PFKFB3: variants seen among roughly 807,000 people sequenced by gnomAD.
The protein encoded by PFKFB3 is 6-phosphofructo-2-kinase/fructose-2,6-bisphosphatase 3.
A neutral mutation model predicts 68.0 loss-of-function variants in PFKFB3; 33 were observed. The ratio of observed to expected loss-of-function variants is 0.49; its 90% confidence interval spans 0.37 to 0.65. The LOEUF (loss-of-function observed/expected upper bound fraction) is 0.65. Ranked by LOEUF, PFKFB3 falls within the 30% of genes least tolerant of loss-of-function variation. The pLI is 0.00. For synonymous variants in PFKFB3, 315 were observed against 288.2 expected, an observed-to-expected ratio of 1.09 and a Z score of -0.94; for missense variants, 586 against 712.2, an observed-to-expected ratio of 0.82 and a Z score of 2.02.
At chr10:6,177,631 T>C (rs913521046) in intron 1 of PFKFB3, among the ~76,000 whole-genome samples, 5 of 151,330 alleles carry the variant, frequency 3.3e-5, no homozygotes, top group African/African-American at 1.2e-4. Context: ...GTTCAAGCAA[T>C]TCTCCTGCCT....
At chr10:6,302,793 C>CAT in the PFKFB3 span, among the ~76,000 whole-genome samples, 56,656 of 144,868 alleles carry the variant, frequency 0.39, 11,956 homozygotes, top group Non-Finnish European at 0.51. Flanking sequence ...TACACATACA[C>CAT]ATATATATAT....
intron 1 of PFKFB3, among the ~76,000 whole-genome samples, chr10:6,156,869 A>T (rs1325542046): frequency 1.3e-5 from 2 of 151,916 alleles, no homozygotes; most frequent in Admixed American, 6.5e-5. Flanking sequence ...AGGCAGGTGG[A>T]TCACCTGAGG....
intron 1 of PFKFB3, among the ~76,000 whole-genome samples, chr10:6,181,704 G>A (rs1842716724): frequency 6.6e-6 from 1 of 151,720 alleles, no homozygotes; most frequent in Non-Finnish European, 1.5e-5. Flanking sequence ...AGGCTAGGGT[G>A]GGAGGATCAC....
At chr10:6,296,344 C>T in the PFKFB3 span, among the ~76,000 whole-genome samples, 1 of 151,934 alleles carries the variant, frequency 6.6e-6, no homozygotes, top group African/African-American at 2.4e-5. Context: ...GACTCTCAGA[C>T]CTAGTTTAGA....
chr10:6,324,267 T>TA, the PFKFB3 span, among the ~76,000 whole-genome samples: 1 of 152,114 alleles, frequency 6.6e-6, no homozygotes. Context: ...GTCAAATTCA[T>TA]AGAGACAGAA....
the PFKFB3 span, among the ~76,000 whole-genome samples, chr10:6,262,411 C>T: frequency 2.2e-5 from 3 of 136,250 alleles, no homozygotes; most frequent in African/African-American, 8.6e-5. Flanking sequence ...GCAGAGATCA[C>T]ACCACTGCAC....
the PFKFB3 span, among the ~76,000 whole-genome samples, chr10:6,307,416 T>C: frequency 1.3e-5 from 2 of 152,044 alleles, no homozygotes; most frequent in Admixed American, 6.6e-5. Flanking sequence ...AGGATGTAGA[T>C]GGCTACCAGC....
At chr10:6,241,211 T>C (rs752707706) in intron 14 of PFKFB3, among the ~76,000 whole-genome samples, 14 of 152,166 alleles carry the variant, frequency 9.2e-5, no homozygotes, top group African/African-American at 3.1e-4. Context: ...GGCCATAGAA[T>C]GTTCTTTAGT....
At chr10:6,176,508 G>A (rs1842479380) in intron 1 of PFKFB3, among the ~76,000 whole-genome samples, 1 of 152,154 alleles carries the variant, frequency 6.6e-6, no homozygotes. Context: ...CTGGGCTCAA[G>A]TGATCCACCC....
chr10:6,261,441 A>G, the PFKFB3 span, among the ~76,000 whole-genome samples: 1 of 152,354 alleles, frequency 6.6e-6, no homozygotes, highest in East Asian at 1.9e-4. Context: ...AAAACCAAAT[A>G]CTGCATGTTC....
chr10:6,307,103 A>G, the PFKFB3 span, among the ~76,000 whole-genome samples: 7 of 152,086 alleles, frequency 4.6e-5, no homozygotes, highest in Non-Finnish European at 1.0e-4. Context: ...GCAAGAGGGA[A>G]TCCTCCAGCA....
At chr10:6,171,392 C>T (rs1023240463) in intron 1 of PFKFB3, among the ~76,000 whole-genome samples, 3 of 149,002 alleles carry the variant, frequency 2.0e-5, no homozygotes, top group Admixed American at 1.4e-4. Context: ...TAAAATTGTT[C>T]TTTCTTTCTT....
chr10:6,222,519 C>T (rs1032521303), intron 10 of PFKFB3, among the ~76,000 whole-genome samples: 3 of 152,168 alleles, frequency 2.0e-5, no homozygotes, highest in African/African-American at 7.2e-5. Flanking sequence ...CCCGGCCCAG[C>T]CCCGGCACCG....
At chr10:6,174,200 C>A (rs1842393855) in intron 1 of PFKFB3, among the ~76,000 whole-genome samples, 1 of 152,082 alleles carries the variant, frequency 6.6e-6, no homozygotes, top group Admixed American at 6.6e-5. Flanking sequence ...GGGCTTGGAT[C>A]TCTTGTTATT....
At chr10:6,175,862 T>C (rs900987594) in intron 1 of PFKFB3, among the ~76,000 whole-genome samples, 3 of 152,192 alleles carry the variant, frequency 2.0e-5, no homozygotes, top group African/African-American at 7.2e-5. Context: ...AGACCACATG[T>C]TGGGGAGACT....
At chr10:6,162,675 T>A (rs1341516357) in intron 1 of PFKFB3, among the ~76,000 whole-genome samples, 3 of 152,222 alleles carry the variant, frequency 2.0e-5, no homozygotes, top group Non-Finnish European at 4.4e-5. Flanking sequence ...CCTGACATAC[T>A]CAATTGATGC....
downstream of PFKFB3, among the ~76,000 whole-genome samples, chr10:6,239,250 G>A (rs1193345497): frequency 2.6e-5 from 4 of 152,302 alleles, no homozygotes; most frequent in East Asian, 3.9e-4. Flanking sequence ...CGTTTCAAAT[G>A]CAAGGTAGAT....
intron 1 of PFKFB3, among the ~76,000 whole-genome samples, chr10:6,196,263 TG>T (rs1285401376): frequency 6.6e-6 from 1 of 152,126 alleles, no homozygotes; most frequent in African/African-American, 2.4e-5. Flanking sequence ...CCCAAGTAGC[TG>T]GGACCACAGG....
In PFKFB3 at chr10:6,206,855, AGAGACG is replaced by A. The variant is rs1334319857; in HGVS notation, c.76+3520_76+3525del. Among the ~76,000 whole-genome samples the A allele has an allele frequency of 3.4e-4, 17 of 50,634 alleles. 1 individual carries two copies. The highest frequency in any genetic ancestry group is 5.1e-4 in the Non-Finnish European group (12 of 23,504). 33.2% of individuals were successfully genotyped at this position (50,634 alleles called of 152,430 possible). ...TTCCCAGACGGGGTGGCGGCCGGGCAGAGACGCTCCTCACTTTCCAGACTGGGCAGC... is the reference window on the plus strand; with the variant it reads ...TTCCCAGACGGGGTGGCGGCCGGGCACTCCTCACTTTCCAGACTGGGCAGC... On this transcript the variant is annotated intron_variant, in intron 1 of 14. Transcript: ENST00000379775.
Sources: gnomAD v4.1 joint callset for allele counts (sites outside exome capture counted in the v4.1 genomes callset) on GRCh38, gnomAD v4.1.1 for gene constraint, MANE v1.5 for transcripts, NCBI Gene and HGNC (gene_info 2026-07-23, HGNC 2026-07-21) for gene names.